NSUN3: variants seen among roughly 807,000 people sequenced by gnomAD.
NSUN3 encodes the protein tRNA (cytosine(34)-C(5))-methyltransferase, mitochondrial.
A neutral mutation model predicts 36.8 loss-of-function variants in NSUN3; 24 were observed. The ratio of observed to expected loss-of-function variants is 0.65; its 90% CI spans 0.47 to 0.92. The LOEUF (loss-of-function observed/expected upper bound fraction) is 0.92, where lower values mean the gene tolerates loss of function less well. Ranked by LOEUF, NSUN3 falls within the 40% of genes least tolerant of loss-of-function variation. The pLI is 0.00. For missense variants in NSUN3, 381 were observed against 392.8 expected, an observed-to-expected ratio of 0.97 and a Z score of 0.25; for synonymous variants, 146 against 145.2, an observed-to-expected ratio of 1.01 and a Z score of -0.04.
intron 3 of NSUN3, among the ~76,000 whole-genome samples, chr3:94,093,514 C>T (rs574367622): frequency 8.8e-4 from 134 of 152,216 alleles, no homozygotes; most frequent in African/African-American, 3.2e-3. Flanking sequence ...GATTGGTAAA[C>T]TGCATGTGGG....
intron 5 of NSUN3, among the ~76,000 whole-genome samples, chr3:94,107,328 C>A (rs756112426): frequency 1.3e-5 from 2 of 152,100 alleles, no homozygotes; most frequent in Middle Eastern, 3.2e-3. Context: ...GAGGTGGAGT[C>A]TCACTCTGTC....
chr3:94,092,366 C>G (rs910043531), intron 3 of NSUN3, among the ~76,000 whole-genome samples: 5 of 152,076 alleles, frequency 3.3e-5, no homozygotes, highest in African/African-American at 4.8e-5. Flanking sequence ...CCTTTTTTCT[C>G]TCACTTTTGC....
chr3:94,082,804 G>A (rs1381907557), intron 2 of NSUN3, among the ~76,000 whole-genome samples: 1 of 152,130 alleles, frequency 6.6e-6, no homozygotes, highest in Admixed American at 6.5e-5. Flanking sequence ...GCTGCTGGGG[G>A]AAAGCCTGCA....
At chr3:94,079,237 A>C (rs534817391) in intron 2 of NSUN3, among the ~76,000 whole-genome samples, 114 of 152,300 alleles carry the variant, frequency 7.5e-4, no homozygotes, top group African/African-American at 2.7e-3. Context: ...CTTTTCTTTA[A>C]GAATGTTGAA....
chr3:94,077,108 T>A, intron 2 of NSUN3: 1 of 770,606 alleles, frequency 1.3e-6, no homozygotes, highest in East Asian at 2.5e-5. Flanking sequence ...TTTTTCCATA[T>A]TTTGTACTCC....
At chr3:94,087,734 G>A (rs1176995752) in intron 3 of NSUN3, among the ~76,000 whole-genome samples, 1 of 152,102 alleles carries the variant, frequency 6.6e-6, no homozygotes, top group African/African-American at 2.4e-5. Flanking sequence ...GCAGTGGTGC[G>A]ATCTTGGCTC....
intron 2 of NSUN3, among the ~76,000 whole-genome samples, chr3:94,074,143 T>G (rs947099987): frequency 6.6e-6 from 1 of 152,228 alleles, no homozygotes; most frequent in Non-Finnish European, 1.5e-5. Flanking sequence ...GGCTCTGTTC[T>G]GTTCCATTGG....
intron 5 of NSUN3, among the ~76,000 whole-genome samples, chr3:94,110,816 A>ATGTGTGTG (rs541709907): frequency 7.2e-4 from 105 of 146,424 alleles, no homozygotes; most frequent in African/African-American, 2.6e-3. Flanking sequence ...ATATACATAT[A>ATGTGTGTG]TGTGTGTGTG....
intron 1 of NSUN3, chr3:94,064,081 A>G (rs954747879): frequency 1.1e-5 from 2 of 186,330 alleles, no homozygotes; most frequent in African/African-American, 2.4e-5. Context: ...TCCAGACCTC[A>G]TGTGATCCTC....
At chr3:94,092,919 C>CAAAAAAAAAAAAAA (rs1161530879) in intron 3 of NSUN3, among the ~76,000 whole-genome samples, 21 of 24,636 alleles carry the variant, frequency 8.5e-4, no homozygotes, top group East Asian at 1.6e-3. Flanking sequence ...GACTGCATCT[C>CAAAAAAAAAAAAAA]AAAAAAAAAA....
At chr3:94,080,928 G>A (rs769452172) in intron 2 of NSUN3, among the ~76,000 whole-genome samples, 2 of 152,156 alleles carry the variant, frequency 1.3e-5, no homozygotes, top group Non-Finnish European at 2.9e-5. Flanking sequence ...GTTCTGTCTC[G>A]CTGGTGCTTC....
chr3:94,073,045 C>A (rs913067380), intron 2 of NSUN3, among the ~76,000 whole-genome samples: 1 of 152,134 alleles, frequency 6.6e-6, no homozygotes, highest in South Asian at 2.1e-4. Context: ...TGAGTGAGAA[C>A]ATGCAGTGTT....
intron 1 of NSUN3, 72 bp from the exon 2 acceptor site, chr3:94,064,365 A>G: frequency 1.1e-6 from 1 of 883,146 alleles, no homozygotes. Flanking sequence ...TTAAAAAAAG[A>G]CCTTGCTAAT....
chr3:94,086,407 A>T lies in NSUN3; in HGVS notation c.466+1957A>T, dbSNP rs997426879. Among the ~76,000 whole-genome samples, 8 of 152,252 alleles carry T rather than the reference A, an allele frequency of 5.3e-5. No individual in the cohort carries two copies. The East Asian group carries it at 1.5e-3, about 29-fold the overall frequency. On this transcript the variant is annotated intron_variant, in intron 3 of 5. Transcript: ENST00000314622. The stretch of plus-strand genomic sequence containing the variant: ...TTGTGAAAGGAGATGCCCCACTGGA[A>T]GTGTTCTCCTCCTTTAGGAAGTTGA...
intron 2 of NSUN3, among the ~76,000 whole-genome samples, chr3:94,068,036 C>T (rs2077212089): frequency 6.6e-6 from 1 of 152,046 alleles, no homozygotes; most frequent in African/African-American, 2.4e-5. Flanking sequence ...ATGCCTTTTT[C>T]CCTTCTCCCT....
rs373976221 is a variant in NSUN3, at chr3:94,063,073, G to A, written c.-54G>A. On this transcript the variant is annotated 5_prime_UTR_variant, in exon 1 of 6. Transcript: ENST00000314622. ...GACTGTTTTTTTCAGTTCCCTGGAG[G>A]CTTTTTGATACTGATTCGCGTACAC... 6.2e-6 allele frequency: 10 copies of A among 1,610,956 alleles called. No homozygotes were observed. In the East Asian group the frequency reaches 1.1e-4, roughly 18 times the overall value.
intron 5 of NSUN3, among the ~76,000 whole-genome samples, chr3:94,111,052 C>T (rs971228065): frequency 3.9e-5 from 6 of 152,228 alleles, no homozygotes; most frequent in Non-Finnish European, 7.4e-5. Context: ...CAGCCTACTA[C>T]TACACACCTA....
In NSUN3 at chr3:94,076,315, C is replaced by T. The variant is rs111540781; in HGVS notation, c.123-7792C>T. ...ACAGTCTTGTCAGCTGATCCTGTGG[C>T]AAGAATGAACTCACTATAAGGATTG... is the stretch of plus-strand genomic sequence containing the variant. On this transcript the variant is annotated intron_variant, in intron 2 of 5. Coordinates refer to ENST00000314622, the MANE Select transcript of NSUN3 (RefSeq NM_022072.5). 1,001 of 851,074 alleles carry T rather than the reference C, an allele frequency of 1.2e-3. 10 individuals carry two copies. The African/African-American group carries it at 0.015, about 13-fold the overall frequency. 52.7% of individuals were successfully genotyped at this position (851,074 alleles called of 1,614,324 possible).
At chr3:94,122,151 T>TAAA (rs753343062) in intron 5 of NSUN3, among the ~76,000 whole-genome samples, 1 of 56,982 alleles carries the variant, frequency 1.8e-5, no homozygotes, top group African/African-American at 5.8e-5. Flanking sequence ...TCCCCCCACC[T>TAAA]AAAAAAAAAA....
Sources: gnomAD v4.1 joint callset for allele counts (sites outside exome capture counted in the v4.1 genomes callset) on GRCh38, gnomAD v4.1.1 for gene constraint, MANE v1.5 for transcripts, NCBI Gene and HGNC (gene_info 2026-07-23, HGNC 2026-07-21) for gene names.